The following NFATC2 variants were observed in gnomAD, a reference collection of about 807,000 sequenced individuals.
The protein encoded by NFATC2 is nuclear factor of activated T cells 2, also known as nuclear factor of activated T-cells, cytoplasmic 2.
A neutral mutation model predicts 87.3 loss-of-function variants in NFATC2; 22 were observed. The observed-to-expected ratio is 0.25, with a 90% CI of 0.18 to 0.36. NFATC2 has a LOEUF of 0.36. NFATC2 is among the 10% of genes least tolerant of loss of function. NFATC2 has a pLI of 1.00. For synonymous variants in NFATC2, 565 were observed against 542.2 expected (o/e 1.04, Z -0.58); for missense variants, 1,149 against 1,259.1 (o/e 0.91, Z 1.32).
At chr20:51,409,305 G>A (rs1483465436) in intron 9 of NFATC2, among the ~76,000 whole-genome samples, 1 of 152,188 alleles carries the variant, frequency 6.6e-6, no homozygotes, top group Non-Finnish European at 1.5e-5. Context: ...AGCACTGCCT[G>A]TAACCAGAAA....
At chr20:51,394,714 T>C (rs1390695747) in intron 10 of NFATC2, among the ~76,000 whole-genome samples, 1 of 152,216 alleles carries the variant, frequency 6.6e-6, no homozygotes, top group African/African-American at 2.4e-5. Flanking sequence ...GTCAGGATTG[T>C]CCTCCCCAAG....
intron 6 of NFATC2, among the ~76,000 whole-genome samples, chr20:51,438,443 GAAAAA>G (rs11474098): frequency 7.2e-6 from 1 of 139,006 alleles, no homozygotes; most frequent in Non-Finnish European, 1.5e-5. Flanking sequence ...AGCTTGCTTT[GAAAAA>G]AAAAAAAAAA....
At chr20:51,549,451 TACA>T (rs1568756480) in intron 1 of NFATC2, among the ~76,000 whole-genome samples, 1 of 152,090 alleles carries the variant, frequency 6.6e-6, no homozygotes, top group Non-Finnish European at 1.5e-5. Context: ...TTGAGTTCTT[TACA>T]ACAAGACTGG....
intron 1 of NFATC2, among the ~76,000 whole-genome samples, chr20:51,530,890 G>T (rs1273886587): frequency 6.6e-6 from 1 of 152,126 alleles, no homozygotes; most frequent in Non-Finnish European, 1.5e-5. Flanking sequence ...TCTATCTATG[G>T]ATTCACTCGT....
intron 9 of NFATC2, among the ~76,000 whole-genome samples, chr20:51,404,513 T>C (rs1988366563): frequency 6.6e-6 from 1 of 152,244 alleles, no homozygotes; most frequent in Non-Finnish European, 1.5e-5. Context: ...ATCTGTAATA[T>C]GGGAATGCAT....
rs78034246 is a variant in NFATC2, at chr20:51,439,862, T to C, written c.1850-4101A>G. On this transcript the variant is annotated intron_variant, in intron 6 of 10. Coordinates refer to ENST00000371564, the MANE Select transcript of NFATC2 (RefSeq NM_012340.5). Reference sequence around the variant, plus strand: ...CTCTCTCCCTGCCTCTTATCCAACATATGGAGATAATCATAGTACCCACAC... The same window carrying C: ...CTCTCTCCCTGCCTCTTATCCAACACATGGAGATAATCATAGTACCCACAC... Among the ~76,000 whole-genome samples, 903 of 152,266 alleles carry C rather than the reference T, an allele frequency of 5.9e-3. 11 individuals carry two copies. Among genetic ancestry groups the C allele is most frequent in the African/African-American group, 0.021 (871 of 41,544 alleles).
intron 3 of NFATC2, among the ~76,000 whole-genome samples, chr20:51,481,070 G>A (rs566910306): frequency 5.3e-5 from 8 of 152,162 alleles, no homozygotes; most frequent in South Asian, 4.2e-4. Flanking sequence ...AATACTTCCC[G>A]TCCACCCTCC....
chr20:51,474,122 T>G lies in NFATC2; in HGVS notation c.1566A>C (p.Arg522Ser). 1 of 1,614,224 alleles carries G rather than the reference T, an allele frequency of 6.2e-7. No individual in the cohort carries two copies. The highest frequency in any genetic ancestry group is 8.5e-7 in the Non-Finnish European group (1 of 1,180,050). ...CTTTCCGCAGCTCAATGTCGGCGTTTCTAAGCTTCAAGATCCCCGCACAGT... is the reference window on the plus strand; with the variant it reads ...CTTTCCGCAGCTCAATGTCGGCGTTGCTAAGCTTCAAGATCCCCGCACAGT... ...TIDCAGILKLRNADIELRKGE... is the reference protein window; with the variant it reads ...TIDCAGILKLSNADIELRKGE... Residue 522 changes from arginine (R) to serine (S), a missense_variant, in exon 5 of 11, where the codon AGA becomes AGC. Coordinates refer to ENST00000371564, the MANE Select transcript of NFATC2 (RefSeq NM_012340.5).
At chr20:51,396,048 A>G (rs951251926) in intron 10 of NFATC2, among the ~76,000 whole-genome samples, 5 of 4,978 alleles carry the variant, frequency 1.0e-3, no homozygotes, top group South Asian at 3.9e-3. Context: ...GTATATATAT[A>G]TATATATATA....
At chr20:51,491,099 A>C (rs550249292) in intron 3 of NFATC2, among the ~76,000 whole-genome samples, 1 of 152,198 alleles carries the variant, frequency 6.6e-6, no homozygotes, top group African/African-American at 2.4e-5. Flanking sequence ...AAAAAGTACC[A>C]CTGCCTGCCC....
intron 6 of NFATC2, among the ~76,000 whole-genome samples, chr20:51,438,938 A>C (rs1983955805): frequency 6.6e-6 from 1 of 152,260 alleles, no homozygotes; most frequent in African/African-American, 2.4e-5. Context: ...AGATGGCTTC[A>C]AAGACAGGTC....
At chr20:51,481,581 G>T (rs1568671833) in intron 3 of NFATC2, among the ~76,000 whole-genome samples, 1 of 152,150 alleles carries the variant, frequency 6.6e-6, no homozygotes, top group African/African-American at 2.4e-5. Context: ...CACCGTGAAG[G>T]GCTGAATGCA....
intron 9 of NFATC2, among the ~76,000 whole-genome samples, chr20:51,425,239 A>T: frequency 6.6e-6 from 1 of 152,344 alleles, no homozygotes; most frequent in Non-Finnish European, 1.5e-5. Flanking sequence ...TATTACCTAT[A>T]TAAAGATACA....
At chr20:51,540,617 T>C (rs1167031020) in intron 1 of NFATC2, among the ~76,000 whole-genome samples, 1 of 150,124 alleles carries the variant, frequency 6.7e-6, no homozygotes, top group Non-Finnish European at 1.5e-5. Flanking sequence ...GCAACTTTTC[T>C]GTAAATCTGA....
intron 6 of NFATC2, among the ~76,000 whole-genome samples, chr20:51,446,994 C>T (rs1985151200): frequency 6.6e-6 from 1 of 152,040 alleles, no homozygotes; most frequent in Admixed American, 6.5e-5. Flanking sequence ...CAACCAAACC[C>T]AGGGAGAGAA....
Position 51,523,448 on chromosome 20 carries a change from G to A in NFATC2, c.793C>T (p.Pro265Ser). The change falls in exon 2 of 11, where the codon CCC becomes TCC. Residue 265 changes from proline to serine, a missense_variant. Pro to Ser is a moderately conservative substitution (Grantham distance 74). Transcript: ENST00000371564. The surrounding 1 kb of genome is among the most constrained non-coding windows in gnomAD (Gnocchi z 6.9). The part of the protein sequence containing the change: ...SCAEALVALP[P>S]GASPQRSRSP... ...CGGGAGCGCTGGGGTGAGGCTCCGG[G>A]CGGCAGGGCAACCAAGGCCTCGGCG... 1 of 1,609,370 alleles carries A rather than the reference G, an allele frequency of 6.2e-7. No homozygotes were observed. The highest frequency in any genetic ancestry group is 8.5e-7 in the Non-Finnish European group (1 of 1,177,774).
Position 51,523,103 on chromosome 20 carries a change from C to G in NFATC2, c.1138G>C (p.Val380Leu). 6.2e-7 allele frequency: 1 copy of G among 1,614,246 alleles called. No homozygotes were observed. The part of the protein sequence containing the change: ...LVPPTWPKPL[V>L]PAIPICSIPV... ...CACCTGCAGATGGGAATGGCAGGCA[C>G]CAGCGGCTTGGGCCAAGTGGGCGGA... Residue 380 changes from valine to leucine, a missense_variant, in exon 2 of 11, where the codon GTG becomes CTG. Physicochemically the swap from Val to Leu is conservative, Grantham distance 32. Coordinates refer to ENST00000371564, the MANE Select transcript of NFATC2 (RefSeq NM_012340.5). The surrounding 1 kb of genome is among the most constrained non-coding windows in gnomAD (Gnocchi z 6.9).
Position 51,523,426 on chromosome 20 carries a change from G to A in NFATC2, c.815C>T (p.Ser272Phe). Residue 272 changes from serine (S) to phenylalanine (F), a missense_variant, in exon 2 of 11, where the codon TCC (serine) becomes TTC (phenylalanine). Ser to Phe is a radical substitution (Grantham distance 155). Around this residue, in one of 3 missense-constraint regions of NFATC2, gnomAD observed 563 missense variants for 585.2 expected, o/e 0.96. Transcript: ENST00000371564. This position sits in a 1 kb window ranked among gnomAD's most constrained non-coding sequence, Gnocchi z 6.9. ...TGAGGGCTGCGGCGAGGGGCTCCGG[G>A]AGCGCTGGGGTGAGGCTCCGGGCGG... is the stretch of plus-strand genomic sequence containing the variant. ...ALPPGASPQR[S>F]RSPSPQPSSH... 6.2e-7 allele frequency: 1 copy of A among 1,608,062 alleles called. No homozygotes were observed. Among genetic ancestry groups the A allele is most frequent in the Admixed American group, 1.7e-5 (1 of 59,310 alleles).
intron 1 of NFATC2, among the ~76,000 whole-genome samples, chr20:51,548,817 C>A (rs1193268104): frequency 6.6e-6 from 1 of 152,220 alleles, no homozygotes; most frequent in African/African-American, 2.4e-5. Context: ...ACTAGGAGAA[C>A]CCAAAGTCCC....
Sources: gnomAD v4.1 joint callset for allele counts (sites outside exome capture counted in the v4.1 genomes callset) on GRCh38, gnomAD v4.1.1 for gene constraint, gnomAD v4.1.1 regional missense constraint, Gnocchi (gnomAD v3.1) non-coding constraint, MANE v1.5 for transcripts, NCBI Gene and HGNC (gene_info 2026-07-23, HGNC 2026-07-21) for gene names.